The following ANOS1 variants were observed in gnomAD, a reference collection of about 807,000 sequenced individuals.
ANOS1 encodes anosmin-1.
ANOS1 carries 6 observed loss-of-function variants against 59.0 expected under a neutral mutation model. The observed-to-expected ratio is 0.10, with a 90% CI of 0.06 to 0.20. The LOEUF is 0.20. Among genes scored for constraint, ANOS1 ranks in the 10% least tolerant of loss-of-function variants. The probability of loss-of-function intolerance (pLI) is 1.00; values close to 1 mark genes in which losing one functional copy is unlikely to be tolerated. For missense variants in ANOS1, 433 were observed against 542.3 expected, an observed-to-expected ratio of 0.80 and a Z score of 2.00; for synonymous variants, 217 against 223.4, an observed-to-expected ratio of 0.97 and a Z score of 0.25.
rs112211301 is a variant in ANOS1 at position 8,664,444 on chromosome X, T to C, written c.255+35254A>G. Among the ~76,000 whole-genome samples the C allele has an allele frequency of 2.7e-3, 301 of 110,514 alleles. 4 individuals are homozygous for C. Among genetic ancestry groups the C allele is most frequent in the Middle Eastern group, 9.2e-3 (2 of 218 alleles). On this transcript the variant is annotated intron_variant, in intron 2 of 13. Transcript: ENST00000262648. The stretch of plus-strand genomic sequence containing the variant: ...TCCTGACCTCGTGATCCGCCCACCT[T>C]GGCCTCCCAAAGTGCTGGGATTACA...
intron 1 of ANOS1, among the ~76,000 whole-genome samples, chrX:8,729,059 G>T (rs976836769): frequency 2.7e-5 from 3 of 112,321 alleles, no homozygotes; most frequent in African/African-American, 9.7e-5. Flanking sequence ...ACGACAGCAG[G>T]TCACTGCCCC....
chrX:8,557,787 A>G (rs929867863), intron 8 of ANOS1, among the ~76,000 whole-genome samples: 2 of 111,887 alleles, frequency 1.8e-5, no homozygotes, highest in African/African-American at 6.5e-5. Flanking sequence ...AGGATCTAGA[A>G]CTAGAAATAC....
intron 4 of ANOS1, among the ~76,000 whole-genome samples, chrX:8,594,656 GTGTATATATATATATATA>G (rs1272234160): frequency 2.4e-4 from 3 of 12,440 alleles, no homozygotes; most frequent in Non-Finnish European, 3.8e-4. Flanking sequence ...ATATATATAT[GTGTATATATATATATATA>G]TATATATATA....
intron 2 of ANOS1, among the ~76,000 whole-genome samples, chrX:8,624,174 C>T (rs4830400): frequency 0.083 from 8,989 of 108,277 alleles, 494 homozygotes; most frequent in South Asian, 0.23. Context: ...TGCCACCACA[C>T]CGGGCTAATT....
chrX:8,721,532 T>C (rs1932874974), intron 1 of ANOS1, among the ~76,000 whole-genome samples: 1 of 112,257 alleles, frequency 8.9e-6, no homozygotes, highest in South Asian at 3.7e-4. Context: ...GTCCTGTGGC[T>C]CAGGAATTCC....
At chrX:8,598,979 A>G (rs1930792991) in intron 3 of ANOS1, among the ~76,000 whole-genome samples, 1 of 111,204 alleles carries the variant, frequency 9.0e-6, no homozygotes, top group Non-Finnish European at 1.9e-5. Flanking sequence ...CTTCTTTATT[A>G]GCTGGATATG....
chrX:8,655,871 A>T (rs1931923624), intron 2 of ANOS1, among the ~76,000 whole-genome samples: 1 of 112,592 alleles, frequency 8.9e-6, no homozygotes, highest in African/African-American at 3.2e-5. Flanking sequence ...CATCTCTCAT[A>T]GAAAGTTCCC....
At chrX:8,582,097 C>T (rs2146815075) in intron 6 of ANOS1, among the ~76,000 whole-genome samples, 1 of 112,284 alleles carries the variant, frequency 8.9e-6, no homozygotes, top group East Asian at 2.8e-4. Context: ...TCTTATGAAA[C>T]ACAGAAACAG....
chrX:8,695,334 G>A (rs1332821955), intron 2 of ANOS1, among the ~76,000 whole-genome samples: 1 of 111,747 alleles, frequency 8.9e-6, no homozygotes, highest in Non-Finnish European at 1.9e-5. Context: ...TAAATGGTTT[G>A]CCCTGAATCA....
chrX:8,641,418 C>T (rs1474323760), intron 2 of ANOS1, among the ~76,000 whole-genome samples: 1 of 111,988 alleles, frequency 8.9e-6, no homozygotes, highest in Admixed American at 9.5e-5. Flanking sequence ...TCTGTGATCC[C>T]TTTTTTCTTC....
intron 9 of ANOS1, among the ~76,000 whole-genome samples, chrX:8,546,456 A>C (rs754897290): frequency 4.5e-5 from 5 of 112,342 alleles, no homozygotes; most frequent in African/African-American, 1.6e-4. Context: ...ATTTAAGAAA[A>C]AGGACTTTTT....
At position 8,620,946 on chromosome X, in the gene ANOS1, G is replaced by C. The variant is rs1447892253; in HGVS notation, c.318+2662C>G. On this transcript the variant is annotated intron_variant, in intron 3 of 13. Transcript: ENST00000262648. Reference sequence around the variant, plus strand: ...CTGCTCTTGAATTTGAAATTTACAGGAAGAAAGGTTTCAAATGACCTTCAA... The same window carrying C: ...CTGCTCTTGAATTTGAAATTTACAGCAAGAAAGGTTTCAAATGACCTTCAA... Among the ~76,000 whole-genome samples, 3 of 112,049 alleles carry C rather than the reference G, an allele frequency of 2.7e-5. No homozygotes were observed. In the Admixed American group the frequency reaches 2.8e-4, roughly 11 times the overall value.
rs1030397684 is a variant in ANOS1 at position 8,686,705 on chromosome X, C to G, written c.255+12993G>C. Among the ~76,000 whole-genome samples, 7 of 111,929 alleles carry G rather than the reference C, an allele frequency of 6.3e-5. No homozygotes were observed. In the Admixed American group the frequency reaches 6.6e-4, roughly 11 times the overall value. On this transcript the variant is annotated intron_variant, in intron 2 of 13. Coordinates refer to ENST00000262648, the MANE Select transcript of ANOS1 (RefSeq NM_000216.4). ...TGGTGGCTCAGGCCTGTAATCCCAA[C>G]GCTTTGGGGGCCAAGGTGGGCAGAT...
intron 1 of ANOS1, among the ~76,000 whole-genome samples, chrX:8,707,466 C>A (rs748637679): frequency 2.7e-5 from 3 of 111,347 alleles, no homozygotes; most frequent in Non-Finnish European, 5.6e-5. Flanking sequence ...GAAAACTGAA[C>A]AAAGACTTGC....
In ANOS1 at chrX:8,623,589, AC is replaced by A; in HGVS notation, c.318+18del. ...CAGATTTGGGTCAAGTGTTTTAAGT[AC>A]CACTGACGTTCTCCTACCTCACAAA... On this transcript the variant is annotated intron_variant, in intron 3 of 13. Transcript: ENST00000262648. 8.5e-7 allele frequency: 1 copy of A among 1,169,736 alleles called. No homozygotes were observed. The highest frequency in any genetic ancestry group is 1.2e-6 in the Non-Finnish European group (1 of 857,561).
chrX:8,644,865 C>T (rs1281246861), intron 2 of ANOS1, among the ~76,000 whole-genome samples: 1 of 112,615 alleles, frequency 8.9e-6, no homozygotes, highest in African/African-American at 3.2e-5. Context: ...AATGTCCTGC[C>T]CTTTCAGGCT....
At chrX:8,596,524 G>A (rs763555914) in intron 4 of ANOS1, among the ~76,000 whole-genome samples, 1 of 112,093 alleles carries the variant, frequency 8.9e-6, no homozygotes, top group South Asian at 3.7e-4. Flanking sequence ...GAACCTCCAT[G>A]TTTTGAGGAA....
chrX:8,643,564 C>A (rs1352576730), intron 2 of ANOS1, among the ~76,000 whole-genome samples: 2 of 111,742 alleles, frequency 1.8e-5, no homozygotes, highest in Non-Finnish European at 1.9e-5. Flanking sequence ...GGAAGAAAAT[C>A]AAAATATTTT....
intron 8 of ANOS1, chrX:8,566,139 T>C: frequency 1.3e-6 from 1 of 754,687 alleles, no homozygotes; most frequent in Non-Finnish European, 1.6e-6. Flanking sequence ...CAGGACTTCA[T>C]GAGGGATGAT....
Sources: gnomAD v4.1 joint callset for allele counts (sites outside exome capture counted in the v4.1 genomes callset) on GRCh38, gnomAD v4.1.1 for gene constraint, MANE v1.5 for transcripts, NCBI Gene and HGNC (gene_info 2026-07-23, HGNC 2026-07-21) for gene names.